The following EIF4E variants were observed in gnomAD, a reference collection of about 807,000 sequenced individuals.
The protein encoded by EIF4E is eukaryotic translation initiation factor 4E.
For missense variants in EIF4E, 113 were observed against 265.6 expected (o/e 0.43, Z 3.99); for synonymous variants, 71 against 88.5 (o/e 0.80, Z 1.11).
At chr4:98,919,945 A>G (rs1240054340) in intron 1 of EIF4E, among the ~76,000 whole-genome samples, 1 of 152,196 alleles carries the variant, frequency 6.6e-6, no homozygotes, top group Non-Finnish European at 1.5e-5. Context: ...TAAAGTTTAA[A>G]ATTTATTTCC....
chr4:98,908,415 C>T (rs555107283), intron 1 of EIF4E, among the ~76,000 whole-genome samples: 1 of 152,266 alleles, frequency 6.6e-6, no homozygotes, highest in African/African-American at 2.4e-5. Context: ...CCTTATATTA[C>T]CCCTTCCTTC....
chr4:98,901,041 T>G (rs1724623692), intron 2 of EIF4E, among the ~76,000 whole-genome samples: 1 of 152,198 alleles, frequency 6.6e-6, no homozygotes, highest in Non-Finnish European at 1.5e-5. Context: ...GGAACCTTAC[T>G]AAAAAACTTT....
chr4:98,888,866 G>A (rs1412134696), intron 3 of EIF4E, among the ~76,000 whole-genome samples: 1 of 152,048 alleles, frequency 6.6e-6, no homozygotes, highest in African/African-American at 2.4e-5. Flanking sequence ...AATATTTCAG[G>A]TAAAGATTTA....
chr4:98,912,106 G>T (rs899944326), intron 1 of EIF4E, among the ~76,000 whole-genome samples: 2 of 151,678 alleles, frequency 1.3e-5, no homozygotes, highest in African/African-American at 4.8e-5. Context: ...CACAAAATTA[G>T]CTGGGCATGG....
chr4:98,909,637 T>A (rs1317232393), intron 1 of EIF4E: 2 of 710,282 alleles, frequency 2.8e-6, no homozygotes, highest in African/African-American at 3.5e-5. Context: ...AAGAACAGTA[T>A]ATGCAGCTTC....
At chr4:98,906,149 C>T (rs1319427970) in intron 1 of EIF4E, among the ~76,000 whole-genome samples, 1 of 152,194 alleles carries the variant, frequency 6.6e-6, no homozygotes, top group African/African-American at 2.4e-5. Context: ...CCTCAGAATA[C>T]CCCATTTGTG....
At chr4:98,928,935 G>A (rs745448149) in intron 1 of EIF4E, 160 bp downstream of exon 1, 5 of 1,576,512 alleles carry the variant, frequency 3.2e-6, no homozygotes, top group Admixed American at 3.7e-5. Flanking sequence ...CATCCTCCGG[G>A]ACGTCCCCAC....
chr4:98,894,096 C>T (rs72893542), intron 2 of EIF4E, among the ~76,000 whole-genome samples: 2,757 of 152,306 alleles, frequency 0.018, 75 homozygotes, highest in African/African-American at 0.062. Flanking sequence ...TAGGTTTCAA[C>T]AGTAGGCTTA....
In EIF4E at chr4:98,891,267, G is replaced by A; in HGVS notation, c.191C>T (p.Ser64Phe). ...AAAGTCTTCAACAGTATCAAACTTG[G>A]AGATCAGCCGCAGGTTTGCTTGCCA... The part of the protein sequence containing the change: ...KTWQANLRLI[S>F]KFDTVEDFWA... Residue 64 changes from serine to phenylalanine, a missense_variant, in exon 3 of 7, where the codon TCC (serine) becomes TTC (phenylalanine). By Grantham distance (155) the Ser-to-Phe change is radical. Coordinates refer to ENST00000450253, the MANE Select transcript of EIF4E (RefSeq NM_001968.5). 6.2e-7 allele frequency: 1 copy of A among 1,614,070 alleles called. No homozygotes were observed. Among genetic ancestry groups the A allele is most frequent in the Non-Finnish European group, 8.5e-7 (1 of 1,180,018 alleles).
intron 1 of EIF4E, among the ~76,000 whole-genome samples, chr4:98,920,932 A>C (rs1241118451): frequency 6.6e-6 from 1 of 152,152 alleles, no homozygotes; most frequent in East Asian, 1.9e-4. Context: ...GTTTTGGTTG[A>C]ATTTGTTCCT....
At chr4:98,928,942 C>G in intron 1 of EIF4E, 153 bp downstream of exon 1, 1 of 1,577,948 alleles carries the variant, frequency 6.3e-7, no homozygotes, top group Non-Finnish European at 8.6e-7. Flanking sequence ...CGGGACGTCC[C>G]CACTTGTCCG....
At chr4:98,912,492 C>T (rs1033848702) in intron 1 of EIF4E, among the ~76,000 whole-genome samples, 1 of 151,756 alleles carries the variant, frequency 6.6e-6, no homozygotes, top group Non-Finnish European at 1.5e-5. Flanking sequence ...AGGAGAATCG[C>T]TTGAACCAGG....
chr4:98,912,872 T>C (rs138370374), intron 1 of EIF4E, among the ~76,000 whole-genome samples: 7 of 152,294 alleles, frequency 4.6e-5, no homozygotes, highest in African/African-American at 9.6e-5. Context: ...AATCAATCTT[T>C]ACATGTCACA....
chr4:98,898,115 A>AG (rs140736176), intron 2 of EIF4E, among the ~76,000 whole-genome samples: 3,200 of 151,604 alleles, frequency 0.021, 81 homozygotes, highest in African/African-American at 0.064. Flanking sequence ...CCTACGAAAA[A>AG]GGGGGGGGAA....
At chr4:98,893,446 C>A (rs1724240835) in intron 2 of EIF4E, among the ~76,000 whole-genome samples, 1 of 152,226 alleles carries the variant, frequency 6.6e-6, no homozygotes, top group African/African-American at 2.4e-5. Flanking sequence ...TCCTCCCAAA[C>A]CCTGCAGTTG....
At chr4:98,914,336 C>T (rs1157966702) in intron 1 of EIF4E, among the ~76,000 whole-genome samples, 1 of 130,096 alleles carries the variant, frequency 7.7e-6, no homozygotes, top group Non-Finnish European at 1.5e-5. Context: ...GCACTCCAGC[C>T]TGGCAACAGA....
At chr4:98,900,668 C>T (rs964276332) in intron 2 of EIF4E, among the ~76,000 whole-genome samples, 2 of 152,160 alleles carry the variant, frequency 1.3e-5, no homozygotes, top group Non-Finnish European at 2.9e-5. Context: ...TTCTGAACTG[C>T]CATTTTCTTC....
In EIF4E at chr4:98,887,898, T is replaced by A; in HGVS notation, c.276A>T (p.Ser92=). ...SSNLMPGCDY[S]LFKDGIEPMW... is the part of the protein sequence containing the mutation. ...CACCAATTAAGCATACCTTAAAAAG[T>A]GAGTAGTCACAGCCAGGCATTAAAT... Residue 92 remains serine, a synonymous_variant, in exon 4 of 7, where the codon TCA becomes TCT. Coordinates refer to ENST00000450253, the MANE Select transcript of EIF4E (RefSeq NM_001968.5). This position sits in a 1 kb window ranked among gnomAD's most constrained non-coding sequence, Gnocchi z 4.0. 6.2e-7 allele frequency: 1 copy of A among 1,612,724 alleles called. No homozygotes were observed. Among genetic ancestry groups the A allele is most frequent in the African/African-American group, 1.3e-5 (1 of 74,980 alleles).
chr4:98,886,909 T>C (rs1336087601), intron 5 of EIF4E, 170 bp downstream of exon 5: 1 of 628,992 alleles, frequency 1.6e-6, no homozygotes, highest in East Asian at 3.0e-5. Context: ...GATGTTTCAC[T>C]GTACTATAAA....
Sources: gnomAD v4.1 joint callset for allele counts (sites outside exome capture counted in the v4.1 genomes callset) on GRCh38, gnomAD v4.1.1 for gene constraint, Gnocchi (gnomAD v3.1) non-coding constraint, MANE v1.5 for transcripts, NCBI Gene and HGNC (gene_info 2026-07-23, HGNC 2026-07-21) for gene names.